The following SVEP1 variants were observed in gnomAD, a reference collection of about 807,000 sequenced individuals.
SVEP1 encodes the protein sushi, von Willebrand factor type A, EGF and pentraxin domain containing 1.
A neutral mutation model predicts 367.3 loss-of-function variants in SVEP1; 164 were observed. That is an observed-to-expected ratio of 0.45 (90% confidence interval 0.39 to 0.51). The LOEUF is 0.51. SVEP1 is among the 20% of genes least tolerant of loss of function. The pLI, the probability that SVEP1 is intolerant of heterozygous loss-of-function variation, is 0.00. For missense variants in SVEP1, 4,117 were observed against 4,425.3 expected, an observed-to-expected ratio of 0.93 and a Z score of 1.98; for synonymous variants, 1,666 against 1,611.6, an observed-to-expected ratio of 1.03 and a Z score of -0.81.
At chr9:110,416,361 G>T (rs1050901907) in intron 36 of SVEP1, among the ~76,000 whole-genome samples, 1 of 151,750 alleles carries the variant, frequency 6.6e-6, no homozygotes, top group African/African-American at 2.4e-5. Flanking sequence ...TAAAAATGTG[G>T]AACATAAAAA....
chr9:110,551,772 A>G (rs1285941277), intron 1 of SVEP1, among the ~76,000 whole-genome samples: 1 of 152,164 alleles, frequency 6.6e-6, no homozygotes, highest in Non-Finnish European at 1.5e-5. Flanking sequence ...AGAGAAGAAA[A>G]AACCTCTGAG....
intron 1 of SVEP1, among the ~76,000 whole-genome samples, chr9:110,555,293 A>G (rs1026057148): frequency 1.3e-5 from 2 of 152,166 alleles, no homozygotes; most frequent in African/African-American, 4.8e-5. Context: ...GTACATGTTC[A>G]TAACTATTTC....
At position 110,406,456 on chromosome 9, in the gene SVEP1, G is replaced by A. The variant is rs371371607; in HGVS notation, c.9144C>T (p.Ala3048=). The change falls in exon 38 of 48, where the codon GCC becomes GCT. Residue 3048 remains alanine (A), a synonymous_variant. Coordinates refer to ENST00000374469, the MANE Select transcript of SVEP1 (RefSeq NM_153366.4). The stretch of plus-strand genomic sequence containing the variant: ...GGAACCCAGAGCTCCACTGGCCATC[G>A]GCTTCACAGGTGATTTCAGAAAGTC... ...LLGLSEITCE[A]DGQWSSGFPH... 3.9e-5 allele frequency: 63 copies of A among 1,613,848 alleles called. No homozygotes were observed. Among genetic ancestry groups the A allele is most frequent in the East Asian group, 6.7e-5 (3 of 44,894 alleles).
chr9:110,384,213 A>G (rs1827486369), intron 43 of SVEP1, among the ~76,000 whole-genome samples: 1 of 152,150 alleles, frequency 6.6e-6, no homozygotes, highest in South Asian at 2.1e-4. Context: ...GATCCATGGA[A>G]AAAGTGTGGT....
chr9:110,443,682 TTTG>T lies in SVEP1; in HGVS notation c.4499_4501del (p.Thr1500del). 6.2e-7 allele frequency: 1 copy of T among 1,610,062 alleles called. No homozygotes were observed. The highest frequency in any genetic ancestry group is 8.5e-7 in the Non-Finnish European group (1 of 1,178,174). On this transcript the variant is annotated inframe_deletion, in exon 27 of 48. Transcript: ENST00000374469. ...TCTGCCATCATTCACCGAGGGACAG[TTTG>T]TTATCTTTTCCCTGCCATTCACATA...
At chr9:110,574,620 T>C (rs1310609065) in intron 1 of SVEP1, among the ~76,000 whole-genome samples, 2 of 152,204 alleles carry the variant, frequency 1.3e-5, no homozygotes, top group African/African-American at 2.4e-5. Flanking sequence ...GGTCATCTTC[T>C]ACCAATTTTC....
Position 110,406,071 on chromosome 9 carries a change from T to G in SVEP1, c.9440+89A>C, listed in dbSNP as rs1378832524. On this transcript the variant is annotated intron_variant, in intron 38 of 47. Coordinates refer to ENST00000374469, the MANE Select transcript of SVEP1 (RefSeq NM_153366.4). ...GGAGAGCAGTTCAGAGATGATGTTT[T>G]CTTCCCAATCAGCAAAATTTTTGAT... is the stretch of plus-strand genomic sequence containing the variant. The G allele has an allele frequency of 3.4e-6, 5 of 1,484,040 alleles. No individual in the cohort carries two copies. The African/African-American group carries it at 7.0e-5, about 21-fold the overall frequency. 91.9% of individuals were successfully genotyped at this position (1,484,040 alleles called of 1,614,324 possible).
intron 1 of SVEP1, among the ~76,000 whole-genome samples, chr9:110,564,204 A>G (rs1258538620): frequency 1.3e-5 from 2 of 152,202 alleles, no homozygotes; most frequent in Non-Finnish European, 2.9e-5. Context: ...TGTTCTTCCA[A>G]AAGGGCACCA....
At chr9:110,433,629 G>A (rs533677092) in intron 30 of SVEP1, among the ~76,000 whole-genome samples, 68 of 151,614 alleles carry the variant, frequency 4.5e-4, no homozygotes, top group Admixed American at 2.5e-3. Flanking sequence ...ACACCACTAC[G>A]CCTGGCCAAT....
intron 3 of SVEP1, among the ~76,000 whole-genome samples, chr9:110,535,287 A>G (rs1830065220): frequency 6.6e-6 from 1 of 151,962 alleles, no homozygotes; most frequent in Non-Finnish European, 1.5e-5. Context: ...CTTTCCCCAT[A>G]TCTTGTTTTT....
intron 14 of SVEP1, among the ~76,000 whole-genome samples, chr9:110,473,837 A>T (rs1829058274): frequency 6.6e-6 from 1 of 152,188 alleles, no homozygotes; most frequent in African/African-American, 2.4e-5. Context: ...TTCTGGGTCT[A>T]AGTGCATGGG....
At chr9:110,536,082 G>A in intron 3 of SVEP1, among the ~76,000 whole-genome samples, 1 of 152,016 alleles carries the variant, frequency 6.6e-6, no homozygotes, top group Admixed American at 6.6e-5. Flanking sequence ...GATGCTGGCT[G>A]TGGATCTGTC....
At chr9:110,427,118 T>C (rs1828265067) in intron 36 of SVEP1, among the ~76,000 whole-genome samples, 1 of 151,854 alleles carries the variant, frequency 6.6e-6, no homozygotes, top group African/African-American at 2.4e-5. Context: ...GGCAACATGG[T>C]GAAACCCTGT....
chr9:110,527,431 G>T (rs1178421482), intron 3 of SVEP1, among the ~76,000 whole-genome samples: 1 of 151,730 alleles, frequency 6.6e-6, no homozygotes, highest in Non-Finnish European at 1.5e-5. Context: ...AATTAATGAG[G>T]TGAATAGTAT....
At chr9:110,392,960 C>T (rs1827687076) in intron 40 of SVEP1, among the ~76,000 whole-genome samples, 1 of 152,078 alleles carries the variant, frequency 6.6e-6, no homozygotes, top group African/African-American at 2.4e-5. Flanking sequence ...TTGTCCGAGA[C>T]CTGGAGTTGG....
chr9:110,410,392 C>T (rs1293538177), intron 37 of SVEP1, among the ~76,000 whole-genome samples: 3 of 152,040 alleles, frequency 2.0e-5, no homozygotes, highest in Admixed American at 1.3e-4. Context: ...TTAGGTTTAC[C>T]AAAACAGAAT....
At chr9:110,402,381 T>C (rs1564131806) in intron 39 of SVEP1, among the ~76,000 whole-genome samples, 1 of 152,168 alleles carries the variant, frequency 6.6e-6, no homozygotes, top group Non-Finnish European at 1.5e-5. Flanking sequence ...TCCTTATCCA[T>C]GTATTTATTT....
At chr9:110,410,892 A>T (rs533345140) in intron 37 of SVEP1, among the ~76,000 whole-genome samples, 171 bp downstream of exon 37, 1 of 152,356 alleles carries the variant, frequency 6.6e-6, no homozygotes, top group South Asian at 2.1e-4. Flanking sequence ...TGAATTAATT[A>T]TGAAAATGTT....
intron 3 of SVEP1, among the ~76,000 whole-genome samples, chr9:110,522,809 A>C (rs1415224470): frequency 6.6e-6 from 1 of 152,200 alleles, no homozygotes; most frequent in Non-Finnish European, 1.5e-5. Flanking sequence ...ACATTCAATA[A>C]GAAATTAGTC....
Sources: allele counts gnomAD v4.1 joint callset (sites outside exome capture counted in the v4.1 genomes callset), GRCh38; gene constraint gnomAD v4.1.1; transcripts MANE v1.5; gene names NCBI Gene and HGNC (gene_info 2026-07-23, HGNC 2026-07-21).